The following APAF1 variants were observed in gnomAD, a reference collection of about 807,000 sequenced individuals.
APAF1 encodes apoptotic peptidase activating factor 1.
A neutral mutation model predicts 152.4 loss-of-function variants in APAF1; 91 were observed. The ratio of observed to expected loss-of-function variants is 0.60; its 90% CI spans 0.50 to 0.71. APAF1 has a LOEUF of 0.71. Ranked by LOEUF, APAF1 falls within the 30% of genes least tolerant of loss-of-function variation. The pLI is 0.00. For synonymous variants in APAF1, 484 were observed against 494.1 expected, an observed-to-expected ratio of 0.98 and a Z score of 0.27; for missense variants, 1,283 against 1,472.0, an observed-to-expected ratio of 0.87 and a Z score of 2.10.
intron 16 of APAF1, among the ~76,000 whole-genome samples, chr12:98,687,755 G>A (rs1212275958): frequency 6.6e-6 from 1 of 152,106 alleles, no homozygotes; most frequent in Admixed American, 6.6e-5. Flanking sequence ...TGAACTTTGG[G>A]GGACACGTTT....
intron 16 of APAF1, among the ~76,000 whole-genome samples, chr12:98,698,200 T>A (rs79568598): frequency 0.01 from 1,553 of 152,350 alleles, 21 homozygotes; most frequent in African/African-American, 0.035. Context: ...TTTTGTTTTT[T>A]AAAATTTTTT....
intron 14 of APAF1, among the ~76,000 whole-genome samples, chr12:98,681,108 C>G (rs1174937857): frequency 6.6e-6 from 1 of 152,190 alleles, no homozygotes; most frequent in African/African-American, 2.4e-5. Flanking sequence ...GACACCCAGA[C>G]TGGAGTGCAG....
intron 22 of APAF1, among the ~76,000 whole-genome samples, chr12:98,718,433 C>T (rs534299844): frequency 3.0e-4 from 45 of 152,094 alleles, no homozygotes; most frequent in Non-Finnish European, 2.1e-4. Flanking sequence ...CAAGGTTTCA[C>T]GATGTTGGCC....
intron 16 of APAF1, among the ~76,000 whole-genome samples, chr12:98,690,761 T>A (rs1406712605): frequency 6.6e-6 from 1 of 152,206 alleles, no homozygotes; most frequent in Non-Finnish European, 1.5e-5. Context: ...CTGCTGTTCT[T>A]AAGCCCCTAA....
At chr12:98,671,227 T>A in intron 11 of APAF1, 141 bp downstream of exon 11, 1 of 677,710 alleles carries the variant, frequency 1.5e-6, no homozygotes, top group African/African-American at 1.8e-5. Context: ...TTATTCTAAT[T>A]AATTTGCTTC....
chr12:98,663,242 C>T (rs1388013538), intron 7 of APAF1, among the ~76,000 whole-genome samples: 1 of 151,962 alleles, frequency 6.6e-6, no homozygotes, highest in Non-Finnish European at 1.5e-5. Context: ...AGAAGTTATC[C>T]TTGACTTTAA....
chr12:98,673,337 G>C lies in APAF1; in HGVS notation c.1793+1618G>C, dbSNP rs541040772. Among the ~76,000 whole-genome samples, 60 of 151,480 alleles carry C rather than the reference G, an allele frequency of 4.0e-4. 1 individual carries two copies. Among genetic ancestry groups the C allele is most frequent in the Non-Finnish European group, 6.8e-4 (46 of 67,910 alleles). On this transcript the variant is annotated intron_variant, in intron 12 of 26. Transcript: ENST00000551964. The stretch of plus-strand genomic sequence containing the variant: ...TTTACTAAAAATACAAAAATTAGCT[G>C]GATGTGGTGAATTGTTTGAACCTGG...
chr12:98,689,891 G>A (rs2097702405), intron 16 of APAF1, among the ~76,000 whole-genome samples: 1 of 152,172 alleles, frequency 6.6e-6, no homozygotes, highest in South Asian at 2.1e-4. Context: ...GTGTTGTACT[G>A]TTCAGTCATT....
chr12:98,684,186 C>A (rs1028973978), intron 15 of APAF1, among the ~76,000 whole-genome samples: 2 of 152,092 alleles, frequency 1.3e-5, no homozygotes, highest in African/African-American at 4.8e-5. Context: ...GAAAAATTAT[C>A]TTTAGAAAGT....
chr12:98,649,099 A>G lies in APAF1; in HGVS notation c.328+284A>G, dbSNP rs556613130. On this transcript the variant is annotated intron_variant, in intron 3 of 26. Transcript: ENST00000551964. ...AGGCCCTTGTTTATTTTCCAGTTCT[A>G]TGTGTTTATAGAGTTTATAGGAAAA... 328 of 480,148 alleles carry G rather than the reference A, an allele frequency of 6.8e-4. 1 individual carries two copies. Among genetic ancestry groups the G allele is most frequent in the African/African-American group, 6.5e-3 (309 of 47,500 alleles). The allele number at this position is 480,148 out of a possible 1,614,324, so 29.7% of individuals were successfully genotyped here. A position where few individuals can be genotyped will look rare whatever the true frequency, so the allele number is the denominator to read the frequency against.
At chr12:98,724,515 C>CT (rs975829336) in intron 24 of APAF1, among the ~76,000 whole-genome samples, 3 of 152,182 alleles carry the variant, frequency 2.0e-5, no homozygotes, top group African/African-American at 7.2e-5. Flanking sequence ...CCAACTTCAT[C>CT]TTTTTGTGCA....
rs1280363030 is a variant in APAF1 at position 98,734,972 on chromosome 12, G to A, written c.*2406G>A. 3 of 381,820 alleles carry A rather than the reference G, an allele frequency of 7.9e-6. No homozygotes were observed. The highest frequency in any genetic ancestry group is 1.4e-5 in the Non-Finnish European group (3 of 216,554). 23.7% of individuals were successfully genotyped at this position (381,820 alleles called of 1,614,324 possible). The stretch of plus-strand genomic sequence containing the variant: ...GTCTTAAAAAGAAATTAGGAGCCAG[G>A]TGCGGTGGCACGTGCCTGTAATCCC... On this transcript the variant is annotated 3_prime_UTR_variant, in exon 27 of 27. Transcript: ENST00000551964.
At chr12:98,697,390 A>G (rs1177356420) in intron 16 of APAF1, among the ~76,000 whole-genome samples, 1 of 152,216 alleles carries the variant, frequency 6.6e-6, no homozygotes, top group Admixed American at 6.5e-5. Flanking sequence ...CATTGAGGGT[A>G]GTATCTGTAT....
At chr12:98,711,302 A>G (rs2097727675) in intron 20 of APAF1, among the ~76,000 whole-genome samples, 1 of 152,218 alleles carries the variant, frequency 6.6e-6, no homozygotes, top group African/African-American at 2.4e-5. Context: ...TTAAAAAGTC[A>G]TCTGTCTATA....
rs955326136 is a variant in APAF1 at position 98,671,414 on chromosome 12, C to G, written c.1609-121C>G. The G allele has an allele frequency of 1.3e-4, 127 of 952,706 alleles. No homozygotes were observed. The East Asian group carries it at 3.0e-3, about 23-fold the overall frequency. The allele number at this position is 952,706 out of a possible 1,614,324, so 59.0% of individuals were successfully genotyped here. A position where few individuals can be genotyped will look rare whatever the true frequency, so the allele number is the denominator to read the frequency against. ...ATTTGTTACTTAATGGTTGGCTGTT[C>G]AATTTTAGTTCATATAAAGAATATT... On this transcript the variant is annotated intron_variant, in intron 11 of 26. Coordinates refer to ENST00000551964, the MANE Select transcript of APAF1 (RefSeq NM_181861.2).
At chr12:98,651,044 T>G (rs1418289334) in intron 4 of APAF1, among the ~76,000 whole-genome samples, 1 of 152,234 alleles carries the variant, frequency 6.6e-6, no homozygotes, top group African/African-American at 2.4e-5. Context: ...GGAGTCATAT[T>G]GTATAAATTG....
In APAF1 at chr12:98,688,890, C is replaced by T. The variant is rs191413685; in HGVS notation, c.2304+2017C>T. Among the ~76,000 whole-genome samples, 515 of 151,782 alleles carry T rather than the reference C, an allele frequency of 3.4e-3. 4 individuals are homozygous for T. The highest frequency in any genetic ancestry group is 0.012 in the African/African-American group (499 of 41,346). On this transcript the variant is annotated intron_variant, in intron 16 of 26. Coordinates refer to ENST00000551964, the MANE Select transcript of APAF1 (RefSeq NM_181861.2). ...AGTGCAGTGGCCTGATCCTGGCCCA[C>T]CACAGTCTATCTCCTGGGCTTAGAT...
chr12:98,707,940 G>A (rs1308603791), intron 19 of APAF1, among the ~76,000 whole-genome samples: 1 of 152,056 alleles, frequency 6.6e-6, no homozygotes, highest in African/African-American at 2.4e-5. Context: ...TTTACGTTCT[G>A]GTACAAACTT....
intron 15 of APAF1, among the ~76,000 whole-genome samples, chr12:98,685,276 T>C (rs2097696780): frequency 6.6e-6 from 1 of 152,182 alleles, no homozygotes; most frequent in Non-Finnish European, 1.5e-5. Flanking sequence ...ACCCCTGTGG[T>C]ATCCATCATT....
Sources: allele counts gnomAD v4.1 joint callset (sites outside exome capture counted in the v4.1 genomes callset), GRCh38; gene constraint gnomAD v4.1.1; transcripts MANE v1.5; gene names NCBI Gene and HGNC (gene_info 2026-07-23, HGNC 2026-07-21).